Variants in DNAH5 observed in about 807,000 individuals in gnomAD.
The protein encoded by DNAH5 is dynein axonemal heavy chain 5.
A neutral mutation model predicts 518.2 loss-of-function variants in DNAH5; 372 were observed. The ratio of observed to expected loss-of-function variants is 0.72; its 90% confidence interval spans 0.66 to 0.78. DNAH5 has a LOEUF of 0.78. Ranked by LOEUF, DNAH5 falls within the 30% of genes least tolerant of loss-of-function variation. The pLI, the probability that DNAH5 is intolerant of heterozygous loss-of-function variation, is 0.00. For missense variants in DNAH5, 5,523 were observed against 5,687.0 expected, an observed-to-expected ratio of 0.97 and a Z score of 0.93; for synonymous variants, 2,039 against 2,025.9, an observed-to-expected ratio of 1.01 and a Z score of -0.17.
chr5:13,866,283 C>T lies in DNAH5; in HGVS notation c.4054-1G>A, dbSNP rs2151911687. 6.2e-7 allele frequency: 1 copy of T among 1,612,628 alleles called. No individual in the cohort carries two copies. On this transcript the variant is annotated splice_acceptor_variant, in intron 25 of 78. Transcript: ENST00000265104. LOFTEE classifies it high-confidence loss of function. The stretch of plus-strand genomic sequence containing the variant: ...TCAAGCCGCTAGCCATTGGACCATT[C>T]TGAACAAAAAGTAAAAAAAGAAAAA...
intron 59 of DNAH5, 98 bp from the exon 60 acceptor site, chr5:13,762,999 C>G: frequency 9.8e-7 from 1 of 1,018,780 alleles, no homozygotes; most frequent in Non-Finnish European, 1.5e-6. Flanking sequence ...TGAACGACCA[C>G]AAATGAATGA....
At chr5:13,849,289 G>A (rs795536) in intron 31 of DNAH5, among the ~76,000 whole-genome samples, 9,396 of 152,266 alleles carry the variant, frequency 0.062, 311 homozygotes, top group African/African-American at 0.079. Flanking sequence ...TTCCACCAAC[G>A]TGGATATGAA....
At chr5:13,932,045 A>G (rs1486883429) in intron 1 of DNAH5, 1 of 152,198 alleles carries the variant, frequency 6.6e-6, no homozygotes, top group Non-Finnish European at 1.5e-5. Context: ...CATTACCTTT[A>G]ATGCCAACCA....
At chr5:13,705,321 G>A (rs1185408806) in intron 76 of DNAH5, among the ~76,000 whole-genome samples, 3 of 152,148 alleles carry the variant, frequency 2.0e-5, no homozygotes, top group African/African-American at 7.2e-5. Flanking sequence ...GAAAATTGCT[G>A]AGAGTGGCTT....
chr5:13,778,596 A>AAGAAAGAAAGAAAGAAAGAG (rs768853052), intron 53 of DNAH5, among the ~76,000 whole-genome samples: 131 of 102,194 alleles, frequency 1.3e-3, no homozygotes, highest in Admixed American at 4.7e-3. Context: ...GAAAGAAAGA[A>AAGAAAGAAAGAAAGAAAGAG]AGAGAGAGAG....
At chr5:13,696,358 G>C (rs1028888860) in intron 78 of DNAH5, among the ~76,000 whole-genome samples, 1 of 152,150 alleles carries the variant, frequency 6.6e-6, no homozygotes, top group African/African-American at 2.4e-5. Context: ...TCTAGACAGT[G>C]TGTGTGTGGC....
intron 53 of DNAH5, among the ~76,000 whole-genome samples, chr5:13,779,926 T>C (rs914070014): frequency 1.3e-5 from 2 of 152,238 alleles, no homozygotes; most frequent in Non-Finnish European, 2.9e-5. Context: ...TTCTATTTTC[T>C]GTACATAAAA....
Position 13,867,847 on chromosome 5 carries a change from A to G in DNAH5, c.3980T>C (p.Phe1327Ser). 4 of 1,614,080 alleles carry G rather than the reference A, an allele frequency of 2.5e-6. No individual in the cohort carries two copies. The highest frequency in any genetic ancestry group is 3.4e-6 in the Non-Finnish European group (4 of 1,179,980). Reference protein sequence around the residue: ...QNKLVSLQPSFKKELISAVEV... With the variant: ...QNKLVSLQPSSKKELISAVEV... ...CACAGCACTAATAAGCTCTTTCTTGAAACTGGGCTGCAGTGAGACTAATTT... is the reference window on the plus strand; with the variant it reads ...CACAGCACTAATAAGCTCTTTCTTGGAACTGGGCTGCAGTGAGACTAATTT... Residue 1327 changes from phenylalanine (F) to serine (S), a missense_variant, in exon 25 of 79, where the codon TTC becomes TCC. Coordinates refer to ENST00000265104, the MANE Select transcript of DNAH5 (RefSeq NM_001369.3).
intron 1 of DNAH5, among the ~76,000 whole-genome samples, chr5:13,998,258 A>C (rs985074709): frequency 2.6e-5 from 4 of 152,200 alleles, no homozygotes; most frequent in Admixed American, 6.5e-5. Flanking sequence ...TGCACCTCAC[A>C]TAGTGGAAGG....
intron 51 of DNAH5, among the ~76,000 whole-genome samples, chr5:13,786,624 T>C (rs753244036): frequency 6.6e-5 from 10 of 152,232 alleles, no homozygotes; most frequent in Admixed American, 1.3e-4. Context: ...CAACTGATTA[T>C]TGGCATTTCA....
chr5:13,789,797 T>C (rs563502114), intron 50 of DNAH5, among the ~76,000 whole-genome samples: 14 of 152,280 alleles, frequency 9.2e-5, no homozygotes, highest in African/African-American at 3.4e-4. Context: ...GACTTGTAAA[T>C]AACTTTGAGG....
At chr5:14,010,346 T>C (rs1013125886) in intron 1 of DNAH5, among the ~76,000 whole-genome samples, 1 of 152,154 alleles carries the variant, frequency 6.6e-6, no homozygotes, top group Non-Finnish European at 1.5e-5. Context: ...GCAAAGAGCA[T>C]AGCGCTGAAA....
intron 1 of DNAH5, among the ~76,000 whole-genome samples, chr5:13,954,825 T>A (rs1004307243): frequency 1.3e-5 from 2 of 152,230 alleles, no homozygotes; most frequent in Non-Finnish European, 2.9e-5. Flanking sequence ...GGGACATCTC[T>A]GACTCTTTCT....
At chr5:13,745,510 C>A (rs1165057568) in intron 65 of DNAH5, among the ~76,000 whole-genome samples, 4 of 152,098 alleles carry the variant, frequency 2.6e-5, no homozygotes, top group Non-Finnish European at 5.9e-5. Context: ...AGCAGATATA[C>A]AACTGAACAT....
intron 69 of DNAH5, among the ~76,000 whole-genome samples, chr5:13,728,986 T>A (rs1353115650): frequency 6.6e-6 from 1 of 151,768 alleles, no homozygotes. Flanking sequence ...CTAAGTCAAA[T>A]AATGGGAAGG....
chr5:13,967,502 T>C (rs1781603105), intron 1 of DNAH5, among the ~76,000 whole-genome samples: 1 of 152,242 alleles, frequency 6.6e-6, no homozygotes, highest in Non-Finnish European at 1.5e-5. Flanking sequence ...TTGGCTTTAT[T>C]TCTGGGTTCT....
intron 70 of DNAH5, among the ~76,000 whole-genome samples, chr5:13,726,271 A>ATGGGCAGATACTGCAGGACT (rs1745717204): frequency 6.6e-6 from 1 of 152,226 alleles, no homozygotes; most frequent in African/African-American, 2.4e-5. Flanking sequence ...TATAAGGGCC[A>ATGGGCAGATACTGCAGGACT]TGGGCAGATA....
At chr5:13,902,614 G>A (rs59751933) in intron 12 of DNAH5, among the ~76,000 whole-genome samples, 12,458 of 152,184 alleles carry the variant, frequency 0.082, 1,297 homozygotes, top group African/African-American at 0.24. Context: ...TCTCATCACA[G>A]CTACTCACTT....
chr5:13,989,621 C>T (rs950288985), intron 1 of DNAH5, among the ~76,000 whole-genome samples: 7 of 151,824 alleles, frequency 4.6e-5, no homozygotes, highest in African/African-American at 1.5e-4. Context: ...GTAGCTGGGA[C>T]TACAGGCGCC....
Sources: gnomAD v4.1 joint callset for allele counts (sites outside exome capture counted in the v4.1 genomes callset) on GRCh38, gnomAD v4.1.1 for gene constraint, MANE v1.5 for transcripts, NCBI Gene and HGNC (gene_info 2026-07-23, HGNC 2026-07-21) for gene names.